The following ADRA1A variants were observed in gnomAD, a reference collection of about 807,000 sequenced individuals.
ADRA1A encodes alpha-1A adrenergic receptor.
Under a neutral mutation model 29.6 loss-of-function variants are expected in ADRA1A, and 31 were observed. The observed-to-expected ratio is 1.05, with a 90% CI of 0.79 to 1.41. The LOEUF is 1.41. ADRA1A is among the 40% of genes most tolerant of loss of function. ADRA1A has a pLI of 0.00. For missense variants in ADRA1A, 619 were observed against 601.1 expected (o/e 1.03, Z -0.31); for synonymous variants, 311 against 254.3 (o/e 1.22, Z -2.12).
At chr8:26,777,345 T>C (rs1402263574) in intron 2 of ADRA1A, among the ~76,000 whole-genome samples, 1 of 152,208 alleles carries the variant, frequency 6.6e-6, no homozygotes, top group East Asian at 1.9e-4. Context: ...TACATTTTCC[T>C]GGGAAGAGTC....
chr8:26,855,828 G>T (rs972311273), intron 2 of ADRA1A, among the ~76,000 whole-genome samples: 2 of 152,200 alleles, frequency 1.3e-5, no homozygotes, highest in African/African-American at 4.8e-5. Context: ...TGTCAAACTG[G>T]CAAACCAAAT....
At chr8:26,750,609 G>A (rs1255097732) in intron 2 of ADRA1A, among the ~76,000 whole-genome samples, 1 of 152,212 alleles carries the variant, frequency 6.6e-6, no homozygotes, top group Non-Finnish European at 1.5e-5. Context: ...TGGGAAAGAT[G>A]TTTTAACATA....
At chr8:26,765,917 C>T (rs996479094), downstream of ADRA1A, 1 of 1,466,874 alleles carries the variant, frequency 6.8e-7, no homozygotes, top group African/African-American at 1.4e-5. Flanking sequence ...AGGTCTTAAC[C>T]ATGAAACCTA....
chr8:26,858,444 A>G (rs1158359066), intron 2 of ADRA1A, among the ~76,000 whole-genome samples: 1 of 152,226 alleles, frequency 6.6e-6, no homozygotes, highest in African/African-American at 2.4e-5. Context: ...TGGTAAGATG[A>G]ACATTTATTA....
At chr8:26,818,246 C>G (rs1809901362) in intron 2 of ADRA1A, among the ~76,000 whole-genome samples, 1 of 152,072 alleles carries the variant, frequency 6.6e-6, no homozygotes, top group Non-Finnish European at 1.5e-5. Flanking sequence ...TTTTTATGGT[C>G]ATGGCATGTG....
downstream of ADRA1A, chr8:26,766,076 G>A (rs142383582): frequency 4.7e-5 from 76 of 1,613,538 alleles, no homozygotes; most frequent in African/African-American, 3.7e-4. Context: ...CTTTCTCCAC[G>A]GTGGCATCAT....
chr8:26,827,621 CT>C (rs71216781), intron 2 of ADRA1A, among the ~76,000 whole-genome samples: 5,549 of 149,470 alleles, frequency 0.037, 171 homozygotes, highest in Non-Finnish European at 0.056. Flanking sequence ...TCTTTTCTTT[CT>C]TTTTTTTTTC....
chr8:26,817,403 G>A (rs1032462179), intron 2 of ADRA1A, among the ~76,000 whole-genome samples: 5 of 152,190 alleles, frequency 3.3e-5, no homozygotes, highest in African/African-American at 4.8e-5. Context: ...ACAATTTTGT[G>A]TACTGGATTG....
At position 26,860,972 on chromosome 8, in the gene ADRA1A, G is replaced by A. The variant is rs1293815075; in HGVS notation, c.883+3115C>T. ...TTCAGAAGAGTTGTCTATTTTCCCTGTTCCCACTTTTTTTATCCTTTGTTC... is the reference window on the plus strand; with the variant it reads ...TTCAGAAGAGTTGTCTATTTTCCCTATTCCCACTTTTTTTATCCTTTGTTC... On this transcript the variant is annotated intron_variant, in intron 2 of 2. Coordinates refer to ENST00000380573, the MANE Select transcript of ADRA1A (RefSeq NM_000680.4). The surrounding 1 kb of genome is among the most constrained non-coding windows in gnomAD (Gnocchi z 4.7). Among the ~76,000 whole-genome samples the A allele has an allele frequency of 6.6e-6, 1 of 152,080 alleles. No individual in the cohort carries two copies. The highest frequency in any genetic ancestry group is 1.5e-5 in the Non-Finnish European group (1 of 67,998).
chr8:26,749,374 C>T (rs1037970029), intron 2 of ADRA1A, among the ~76,000 whole-genome samples: 3 of 152,170 alleles, frequency 2.0e-5, no homozygotes, highest in African/African-American at 7.2e-5. Flanking sequence ...GATATTTATG[C>T]AATCCACATA....
intron 2 of ADRA1A, among the ~76,000 whole-genome samples, chr8:26,813,086 A>G (rs1434288975): frequency 1.3e-5 from 2 of 152,222 alleles, no homozygotes; most frequent in East Asian, 3.9e-4. Context: ...CTTCCTGTCA[A>G]TTGAAAGCTA....
At chr8:26,771,652 A>C (rs1280358672) in intron 2 of ADRA1A, 1 of 152,288 alleles carries the variant, frequency 6.6e-6, no homozygotes, top group East Asian at 1.9e-4. Context: ...ACAAATTTAA[A>C]AAATGCTTAT....
rs1807444233 is a variant in ADRA1A at position 26,787,018 on chromosome 8, A to G, written c.884-16352T>C. ...CCCATTTAATTCTCCCAAGAACATGATGTGACTGTATTACCAACCTCATCT... is the reference window on the plus strand; with the variant it reads ...CCCATTTAATTCTCCCAAGAACATGGTGTGACTGTATTACCAACCTCATCT... On this transcript the variant is annotated intron_variant, in intron 2 of 2. Transcript: ENST00000380573. The surrounding 1 kb of genome is among the most constrained non-coding windows in gnomAD (Gnocchi z 4.2). Among the ~76,000 whole-genome samples the G allele has an allele frequency of 6.6e-6, 1 of 152,216 alleles. No individual in the cohort carries two copies. The highest frequency in any genetic ancestry group is 1.5e-5 in the Non-Finnish European group (1 of 68,036).
intron 2 of ADRA1A, among the ~76,000 whole-genome samples, chr8:26,844,467 G>C (rs1812054505): frequency 6.6e-6 from 1 of 152,078 alleles, no homozygotes; most frequent in African/African-American, 2.4e-5. Context: ...TTACTACAAA[G>C]CTACAGTAAT....
chr8:26,789,744 A>G (rs2130413771), intron 2 of ADRA1A, among the ~76,000 whole-genome samples: 1 of 152,318 alleles, frequency 6.6e-6, no homozygotes, highest in South Asian at 2.1e-4. Context: ...CCAGAATATA[A>G]ACGGAATTTA....
chr8:26,826,978 C>A (rs765978053), intron 2 of ADRA1A, among the ~76,000 whole-genome samples: 3 of 152,178 alleles, frequency 2.0e-5, no homozygotes, highest in East Asian at 3.8e-4. Flanking sequence ...AGGGAGGACA[C>A]AGCTATGTAT....
Position 26,815,669 on chromosome 8 carries a change from G to T in ADRA1A, c.884-45003C>A, listed in dbSNP as rs779773631. Among the ~76,000 whole-genome samples, 5 of 152,178 alleles carry T rather than the reference G, an allele frequency of 3.3e-5. No individual in the cohort carries two copies. Among genetic ancestry groups the T allele is most frequent in the Non-Finnish European group, 7.3e-5 (5 of 68,048 alleles). Reference sequence around the variant, plus strand: ...TGGATACTGTTTGTGGGAGAGAAAGGTCTCTGTTGAGTACTGAACAAGAAT... The same window carrying T: ...TGGATACTGTTTGTGGGAGAGAAAGTTCTCTGTTGAGTACTGAACAAGAAT... On this transcript the variant is annotated intron_variant, in intron 2 of 2. Coordinates refer to ENST00000380573, the MANE Select transcript of ADRA1A (RefSeq NM_000680.4). This position sits in a 1 kb window ranked among gnomAD's most constrained non-coding sequence, Gnocchi z 4.2.
chr8:26,844,390 TA>T (rs899274037), intron 2 of ADRA1A, among the ~76,000 whole-genome samples: 2 of 152,110 alleles, frequency 1.3e-5, no homozygotes, highest in African/African-American at 4.8e-5. Flanking sequence ...TAAAAAGAGG[TA>T]GTCTTTTTGA....
chr8:26,770,117 A>G lies in ADRA1A; in HGVS notation c.*32T>C. On this transcript the variant is annotated 3_prime_UTR_variant, in exon 3 of 3. Transcript: ENST00000380573. ...GAAGGAAGTGGGGTGGGTACCTAAG[A>G]TTATTCCCCTTTCCTCTGCATCTTT... 6.6e-7 allele frequency: 1 copy of G among 1,520,948 alleles called. No individual in the cohort carries two copies. Among genetic ancestry groups the G allele is most frequent in the Non-Finnish European group, 8.8e-7 (1 of 1,135,390 alleles). The allele number at this position is 1,520,948 out of a possible 1,614,324, so 94.2% of individuals were successfully genotyped here.
Sources: allele counts gnomAD v4.1 joint callset (sites outside exome capture counted in the v4.1 genomes callset), GRCh38; gene constraint gnomAD v4.1.1; non-coding constraint Gnocchi (gnomAD v3.1); transcripts MANE v1.5; gene names NCBI Gene and HGNC (gene_info 2026-07-23, HGNC 2026-07-21).